GPM6B: variants seen among roughly 807,000 people sequenced by gnomAD.
GPM6B encodes the protein glycoprotein M6B, also known as neuronal membrane glycoprotein M6-b.
A neutral mutation model predicts 27.2 loss-of-function variants in GPM6B; 4 were observed. The observed-to-expected ratio is 0.15, with a 90% CI of 0.07 to 0.34. The LOEUF is 0.34. Ranked by LOEUF, GPM6B falls within the 10% of genes least tolerant of loss-of-function variation. The probability of loss-of-function intolerance (pLI) is 1.00; values close to 1 mark genes in which losing one functional copy is unlikely to be tolerated. For synonymous variants in GPM6B, 124 were observed against 103.1 expected, an observed-to-expected ratio of 1.20 and a Z score of -1.23; for missense variants, 183 against 261.9, an observed-to-expected ratio of 0.70 and a Z score of 2.08.
chrX:13,793,289 T>C (rs5979972), intron 2 of GPM6B, among the ~76,000 whole-genome samples: 36,131 of 110,043 alleles, frequency 0.33, 4,697 homozygotes, highest in Non-Finnish European at 0.41. Flanking sequence ...AGCCACCCTC[T>C]GACCCCCTTT....
intron 1 of GPM6B, among the ~76,000 whole-genome samples, chrX:13,875,462 G>T (rs945193240): frequency 9.0e-6 from 1 of 111,434 alleles, no homozygotes; most frequent in Non-Finnish European, 1.9e-5. Flanking sequence ...AAGGCCGCAC[G>T]GGTAGCTCCT....
intron 1 of GPM6B, among the ~76,000 whole-genome samples, chrX:13,808,942 A>T (rs771938858): frequency 8.9e-6 from 1 of 112,363 alleles, no homozygotes; most frequent in South Asian, 3.7e-4. Flanking sequence ...AGGTATACAT[A>T]ACTCATTTAA....
intron 1 of GPM6B, among the ~76,000 whole-genome samples, chrX:13,884,941 C>G (rs772738663): frequency 8.9e-6 from 1 of 111,954 alleles, no homozygotes; most frequent in South Asian, 3.8e-4. Context: ...ACAGAGCACA[C>G]GGCCTGCCCA....
At chrX:13,831,430 G>A (rs942731872) in intron 1 of GPM6B, among the ~76,000 whole-genome samples, 2 of 111,087 alleles carry the variant, frequency 1.8e-5, no homozygotes, top group Non-Finnish European at 3.8e-5. Flanking sequence ...GCTTGTCCTG[G>A]CTCTAAGATA....
chrX:13,804,445 A>G (rs2048983787), intron 2 of GPM6B, among the ~76,000 whole-genome samples: 1 of 107,366 alleles, frequency 9.3e-6, no homozygotes, highest in Non-Finnish European at 1.9e-5. Flanking sequence ...GGGGTAGCCC[A>G]TGTGGTCATA....
intron 1 of GPM6B, among the ~76,000 whole-genome samples, chrX:13,934,927 A>C (rs958293332): frequency 5.4e-5 from 6 of 111,307 alleles, no homozygotes; most frequent in African/African-American, 1.6e-4. Flanking sequence ...AACCAGAAGC[A>C]TGAGCACCCA....
Position 13,783,583 on chromosome X carries a change from T to C in GPM6B, c.369-62A>G, listed in dbSNP as rs1025203140. 30 of 952,608 alleles carry C rather than the reference T, an allele frequency of 3.1e-5. No individual in the cohort carries two copies. In the African/African-American group the frequency reaches 4.3e-4, roughly 14 times the overall value. 78.5% of individuals were successfully genotyped at this position (952,608 alleles called of 1,213,427 possible). On this transcript the variant is annotated intron_variant, in intron 3 of 7. Transcript: ENST00000316715. ...CACTGCCTGGTAGTGACTACGTTTC[T>C]GGACGCTGGAGAGAGGACATGAGGG...
At chrX:13,780,811 G>A (rs1169520385) in intron 4 of GPM6B, 5 of 180,264 alleles carry the variant, frequency 2.8e-5, no homozygotes, top group Non-Finnish European at 5.4e-5. Context: ...GTTCTCAGAA[G>A]GCGCGCCCAC....
intron 2 of GPM6B, among the ~76,000 whole-genome samples, chrX:13,786,356 G>A (rs771378080): frequency 6.3e-5 from 7 of 111,876 alleles, no homozygotes; most frequent in Non-Finnish European, 1.3e-4. Flanking sequence ...CAATTATGCC[G>A]TCGCCAGGTT....
chrX:13,868,108 T>C (rs937660928), intron 1 of GPM6B, among the ~76,000 whole-genome samples: 3 of 111,231 alleles, frequency 2.7e-5, no homozygotes, highest in African/African-American at 9.8e-5. Context: ...CACATTCAGG[T>C]GAAACACCAG....
At chrX:13,818,172 T>G (rs1418520766), upstream of GPM6B, among the ~76,000 whole-genome samples, 1 of 112,543 alleles carries the variant, frequency 8.9e-6, no homozygotes, top group Non-Finnish European at 1.9e-5. Flanking sequence ...GCACCATTTT[T>G]TATGCATTTG....
intron 2 of GPM6B, among the ~76,000 whole-genome samples, chrX:13,800,545 C>T (rs766692947): frequency 1.8e-5 from 2 of 112,171 alleles, no homozygotes; most frequent in Non-Finnish European, 3.8e-5. Context: ...GTGGCAATAG[C>T]GAAACATTAC....
chrX:13,822,339 A>G (rs1295703106), upstream of GPM6B, among the ~76,000 whole-genome samples: 1 of 110,785 alleles, frequency 9.0e-6, no homozygotes, highest in Non-Finnish European at 1.9e-5. Flanking sequence ...TGTGCTTAAA[A>G]TAAGTTTGTG....
At chrX:13,932,601 G>A (rs1297923049) in intron 1 of GPM6B, among the ~76,000 whole-genome samples, 1 of 111,820 alleles carries the variant, frequency 8.9e-6, no homozygotes, top group Non-Finnish European at 1.9e-5. Flanking sequence ...AGAGCCCCAT[G>A]GTGATGGACA....
chrX:13,925,471 C>T (rs1052299653), intron 1 of GPM6B, among the ~76,000 whole-genome samples: 1 of 103,862 alleles, frequency 9.6e-6, no homozygotes, highest in Non-Finnish European at 2.0e-5. Context: ...GAACTACAGG[C>T]AGGCACCACC....
chrX:13,793,118 AAG>A (rs2048745093), intron 2 of GPM6B, among the ~76,000 whole-genome samples: 1 of 110,527 alleles, frequency 9.0e-6, no homozygotes, highest in Non-Finnish European at 1.9e-5. Flanking sequence ...TAAATCTGCT[AAG>A]AGACATTTAC....
intron 5 of GPM6B, among the ~76,000 whole-genome samples, chrX:13,778,216 G>A (rs2147113754): frequency 9.1e-6 from 1 of 110,363 alleles, no homozygotes; most frequent in Non-Finnish European, 1.9e-5. Context: ...GCCCAGCTAA[G>A]TTTTGTATTT....
chrX:13,788,239 C>T (rs1434690782), intron 2 of GPM6B, among the ~76,000 whole-genome samples: 1 of 111,612 alleles, frequency 9.0e-6, no homozygotes, highest in African/African-American at 3.3e-5. Flanking sequence ...TTGTGAAGAC[C>T]TACTGGGTGC....
intron 1 of GPM6B, among the ~76,000 whole-genome samples, chrX:13,866,673 T>TA (rs1052186894): frequency 1.8e-5 from 2 of 111,059 alleles, no homozygotes; most frequent in African/African-American, 6.5e-5. Flanking sequence ...TATCTATTTT[T>TA]AAAAAAACAA....
Sources: gnomAD v4.1 joint callset for allele counts (sites outside exome capture counted in the v4.1 genomes callset) on GRCh38, gnomAD v4.1.1 for gene constraint, MANE v1.5 for transcripts, NCBI Gene and HGNC (gene_info 2026-07-23, HGNC 2026-07-21) for gene names.